PRKN: variants seen among roughly 807,000 people sequenced by gnomAD.
The protein encoded by PRKN is parkin RBR E3 ubiquitin protein ligase.
PRKN carries 56 observed loss-of-function variants against 59.5 expected under a neutral mutation model. The observed-to-expected ratio is 0.94, with a 90% confidence interval of 0.76 to 1.18. The LOEUF (loss-of-function observed/expected upper bound fraction) is 1.18. PRKN is among the 50% of genes most tolerant of loss of function. PRKN has a pLI of 0.00. For synonymous variants in PRKN, 250 were observed against 222.1 expected, an observed-to-expected ratio of 1.13 and a Z score of -1.12; for missense variants, 657 against 596.4, an observed-to-expected ratio of 1.10 and a Z score of -1.06.
intron 1 of PRKN, among the ~76,000 whole-genome samples, chr6:162,448,354 A>T (rs1190792706): frequency 2.0e-5 from 3 of 152,016 alleles, no homozygotes; most frequent in Non-Finnish European, 4.4e-5. Context: ...CCATTTTTCT[A>T]TATAGAAATT....
intron 9 of PRKN, among the ~76,000 whole-genome samples, chr6:161,515,795 T>C (rs745833641): frequency 1.3e-5 from 2 of 152,218 alleles, no homozygotes; most frequent in Admixed American, 6.5e-5. Context: ...TATGGGATTT[T>C]AGTCCATGGC....
intron 2 of PRKN, among the ~76,000 whole-genome samples, chr6:162,264,235 C>T (rs1340152212): frequency 6.6e-6 from 1 of 152,104 alleles, no homozygotes; most frequent in Non-Finnish European, 1.5e-5. Context: ...CAAGATCATG[C>T]CACTGCACTC....
intron 4 of PRKN, among the ~76,000 whole-genome samples, chr6:162,089,690 G>A (rs1223224152): frequency 6.6e-6 from 1 of 152,124 alleles, no homozygotes; most frequent in African/African-American, 2.4e-5. Flanking sequence ...TTCATACAAT[G>A]GAATATTATT....
At chr6:161,374,995 C>T (rs1305367437) in intron 10 of PRKN, among the ~76,000 whole-genome samples, 1 of 152,136 alleles carries the variant, frequency 6.6e-6, no homozygotes, top group Non-Finnish European at 1.5e-5. Context: ...TCAGGCCAGG[C>T]AGGCATCTGG....
intron 2 of PRKN, among the ~76,000 whole-genome samples, chr6:162,408,699 T>C (rs16893810): frequency 0.1 from 15,424 of 152,116 alleles, 942 homozygotes; most frequent in African/African-American, 0.17. Flanking sequence ...GGAAAGTTTC[T>C]TTTTTGGTAA....
chr6:162,559,519 T>C (rs560950103), intron 1 of PRKN, among the ~76,000 whole-genome samples: 149 of 152,262 alleles, frequency 9.8e-4, no homozygotes, highest in African/African-American at 3.4e-3. Context: ...GAGAAGCATT[T>C]CTACAAGAAA....
chr6:162,702,170 A>T (rs1300974529), intron 1 of PRKN, among the ~76,000 whole-genome samples: 1 of 152,192 alleles, frequency 6.6e-6, no homozygotes, highest in Non-Finnish European at 1.5e-5. Flanking sequence ...ACATTTATTT[A>T]AAATCTGCAT....
At chr6:162,039,790 T>C (rs1003609027) in intron 5 of PRKN, among the ~76,000 whole-genome samples, 1 of 152,266 alleles carries the variant, frequency 6.6e-6, no homozygotes, top group East Asian at 1.9e-4. Context: ...TACACACACA[T>C]ATGCACACAA....
intron 6 of PRKN, among the ~76,000 whole-genome samples, chr6:161,949,468 G>A (rs555710535): frequency 1.1e-4 from 17 of 152,132 alleles, no homozygotes; most frequent in Middle Eastern, 6.8e-3. Flanking sequence ...CCGAGTTTGC[G>A]CCACTGCACT....
At chr6:162,003,482 C>T (rs888536934) in intron 5 of PRKN, among the ~76,000 whole-genome samples, 2 of 152,158 alleles carry the variant, frequency 1.3e-5, no homozygotes, top group African/African-American at 4.8e-5. Flanking sequence ...AGCCTTGGCT[C>T]ACTGCCTGGT....
intron 6 of PRKN, among the ~76,000 whole-genome samples, chr6:161,914,499 T>C (rs1045501114): frequency 6.6e-6 from 1 of 152,122 alleles, no homozygotes; most frequent in Admixed American, 6.6e-5. Context: ...ACTTACTTTT[T>C]ATACTACACC....
At chr6:162,023,595 T>A (rs1242093754) in intron 5 of PRKN, among the ~76,000 whole-genome samples, 3 of 152,146 alleles carry the variant, frequency 2.0e-5, no homozygotes, top group Admixed American at 2.0e-4. Context: ...GCGGCTTGCA[T>A]CTTCTTCCGC....
intron 2 of PRKN, among the ~76,000 whole-genome samples, chr6:162,323,820 T>C (rs973145391): frequency 6.6e-6 from 1 of 152,104 alleles, no homozygotes; most frequent in Non-Finnish European, 1.5e-5. Context: ...AAAATGGTAA[T>C]CAGTTTGGAA....
At chr6:162,377,294 T>C (rs1287985874) in intron 2 of PRKN, among the ~76,000 whole-genome samples, 1 of 152,134 alleles carries the variant, frequency 6.6e-6, no homozygotes, top group Non-Finnish European at 1.5e-5. Flanking sequence ...TGCATACAAA[T>C]TCCATACAGA....
At chr6:161,625,707 G>A (rs369829377) in intron 7 of PRKN, among the ~76,000 whole-genome samples, 22 of 152,282 alleles carry the variant, frequency 1.4e-4, no homozygotes, top group African/African-American at 5.1e-4. Flanking sequence ...TCTAACACTC[G>A]TGCTAAGATT....
At chr6:162,562,340 G>C (rs1779878443) in intron 1 of PRKN, among the ~76,000 whole-genome samples, 1 of 152,110 alleles carries the variant, frequency 6.6e-6, no homozygotes, top group Admixed American at 6.5e-5. Flanking sequence ...TCTGGGACAT[G>C]CTGGCTTCAG....
At chr6:162,390,370 C>A in intron 2 of PRKN, among the ~76,000 whole-genome samples, 1 of 94,954 alleles carries the variant, frequency 1.1e-5, no homozygotes. Context: ...GATTATACTG[C>A]TAAGGTATAT....
At chr6:161,756,822 G>A (rs1380110764) in intron 7 of PRKN, among the ~76,000 whole-genome samples, 3 of 152,076 alleles carry the variant, frequency 2.0e-5, no homozygotes, top group African/African-American at 7.2e-5. Flanking sequence ...AAGGATAAAT[G>A]CTTCATGATT....
chr6:161,666,187 C>A (rs560346849), intron 7 of PRKN, among the ~76,000 whole-genome samples: 14 of 152,314 alleles, frequency 9.2e-5, no homozygotes, highest in Non-Finnish European at 1.3e-4. Context: ...CCCAACCTCC[C>A]GAGCCATGGA....
Sources: allele counts gnomAD v4.1 joint callset (sites outside exome capture counted in the v4.1 genomes callset), GRCh38; gene constraint gnomAD v4.1.1; transcripts MANE v1.5; gene names NCBI Gene and HGNC (gene_info 2026-07-23, HGNC 2026-07-21).